The following BRD7 variants were observed in gnomAD, a reference collection of about 807,000 sequenced individuals.
The protein encoded by BRD7 is bromodomain containing 7, also known as bromodomain-containing protein 7.
Under a neutral mutation model 82.1 loss-of-function variants are expected in BRD7, and 15 were observed. That is an observed-to-expected ratio of 0.18 (90% confidence interval 0.12 to 0.28). The LOEUF (loss-of-function observed/expected upper bound fraction) is 0.28, where lower values mean the gene tolerates loss of function less well. Among genes scored for constraint, BRD7 ranks in the 10% least tolerant of loss-of-function variants. The pLI is 1.00. For synonymous variants in BRD7, 232 were observed against 266.9 expected (o/e 0.87, Z 1.27); for missense variants, 638 against 779.9 (o/e 0.82, Z 2.17).
At chr16:50,323,371 G>A (rs756056358) in intron 12 of BRD7, among the ~76,000 whole-genome samples, 29 of 152,276 alleles carry the variant, frequency 1.9e-4, no homozygotes, top group Non-Finnish European at 2.8e-4. Flanking sequence ...CCAAGATGAG[G>A]AGATAAGGAT....
intron 16 of BRD7, among the ~76,000 whole-genome samples, chr16:50,319,640 A>G (rs2036987615): frequency 6.6e-6 from 1 of 152,212 alleles, no homozygotes; most frequent in African/African-American, 2.4e-5. Context: ...AAAAAAATAT[A>G]AAAAATACAG....
At chr16:50,355,112 T>C (rs2151196582) in intron 2 of BRD7, among the ~76,000 whole-genome samples, 190 bp from the exon 3 acceptor site, 1 of 151,578 alleles carries the variant, frequency 6.6e-6, no homozygotes, top group African/African-American at 2.4e-5. Context: ...ACAAAGGGGG[T>C]CTCTATGCCA....
chr16:50,332,823 C>A (rs1378999753), intron 8 of BRD7, among the ~76,000 whole-genome samples: 1 of 152,182 alleles, frequency 6.6e-6, no homozygotes, highest in Non-Finnish European at 1.5e-5. Context: ...CAAATCATGT[C>A]CCCTGCAACG....
intron 6 of BRD7, among the ~76,000 whole-genome samples, chr16:50,337,700 G>A (rs1027802656): frequency 6.6e-6 from 1 of 152,118 alleles, no homozygotes. Context: ...CACCATTCAC[G>A]GAAGGGTGTG....
In BRD7 at chr16:50,368,775, G is replaced by A. The variant is rs759959198; in HGVS notation, c.-1C>T. 2 of 1,537,850 alleles carry A rather than the reference G, an allele frequency of 1.3e-6. No individual in the cohort carries two copies. Among genetic ancestry groups the A allele is most frequent in the South Asian group, 2.3e-5 (2 of 85,496 alleles). On this transcript the variant is annotated 5_prime_UTR_variant, in exon 1 of 17. Transcript: ENST00000394688. The stretch of plus-strand genomic sequence containing the variant: ...TGTGCTTCTTGTGCTTCTTGCCCAT[G>A]TCCGACCGGGCCCCGGTGCCCGCCC...
At position 50,341,927 on chromosome 16, in the gene BRD7, TTCACAC is replaced by T. The variant is rs1320904268; in HGVS notation, c.592-1847_592-1842del. ...AAAAGCTGAGTCTTCCTGCACACTT[TTCACAC>T]ACACACACACACACACACACACACA... On this transcript the variant is annotated intron_variant, in intron 5 of 16. Transcript: ENST00000394688. 7.3e-5 allele frequency among the ~76,000 whole-genome samples: 5 copies of T among 68,156 alleles called. No individual in the cohort carries two copies. In the Admixed American group the frequency reaches 7.4e-4, roughly 10 times the overall value. The allele number at this position is 68,156 out of a possible 152,430, so 44.7% of individuals were successfully genotyped here.
chr16:50,360,611 C>A, intron 2 of BRD7, among the ~76,000 whole-genome samples: 1 of 152,140 alleles, frequency 6.6e-6, no homozygotes, highest in East Asian at 1.9e-4. Context: ...TAGGATTTAC[C>A]AGGTCGTGAG....
chr16:50,361,040 A>G (rs944411097), intron 2 of BRD7, among the ~76,000 whole-genome samples: 1 of 152,236 alleles, frequency 6.6e-6, no homozygotes, highest in African/African-American at 2.4e-5. Context: ...GCTCCTCTCT[A>G]GTTAAAAGCT....
At position 50,326,305 on chromosome 16, in the gene BRD7, T is replaced by C. The variant is rs747783211; in HGVS notation, c.1174A>G (p.Lys392Glu). Reference protein sequence around the residue: ...VNTLQGFKEDKRNKVTPVLYL... With the variant: ...VNTLQGFKEDERNKVTPVLYL... ...TCACCTGGAGTGACTTTGTTCCTTTTATCCTCTTTGAACCCCTGCAAAGTA... is the reference window on the plus strand; with the variant it reads ...TCACCTGGAGTGACTTTGTTCCTTTCATCCTCTTTGAACCCCTGCAAAGTA... Residue 392 changes from lysine to glutamate, a missense_variant, in exon 10 of 17, where the codon AAA becomes GAA. Physicochemically the swap from Lys to Glu is moderately conservative, Grantham distance 56 (BLOSUM62 1). This residue lies in a region of BRD7 where 402 missense variants were observed against 500.8 expected (regional missense o/e 0.80). Transcript: ENST00000394688. The C allele has an allele frequency of 5.0e-6, 8 of 1,613,222 alleles. No homozygotes were observed. Among genetic ancestry groups the C allele is most frequent in the African/African-American group, 1.3e-5 (1 of 74,926 alleles).
At chr16:50,362,947 G>C (rs550602435) in intron 2 of BRD7, among the ~76,000 whole-genome samples, 7 of 152,302 alleles carry the variant, frequency 4.6e-5, no homozygotes, top group African/African-American at 1.7e-4. Context: ...CAACAAAATA[G>C]AGACAGAACA....
At chr16:50,333,995 C>A (rs1270572153) in intron 7 of BRD7, among the ~76,000 whole-genome samples, 1 of 152,138 alleles carries the variant, frequency 6.6e-6, no homozygotes, top group African/African-American at 2.4e-5. Context: ...GAAGGGAGAA[C>A]AATATACCAT....
At chr16:50,362,929 C>T (rs1003892394) in intron 2 of BRD7, among the ~76,000 whole-genome samples, 3 of 152,150 alleles carry the variant, frequency 2.0e-5, no homozygotes, top group African/African-American at 7.2e-5. Flanking sequence ...GTGTATTGTA[C>T]CACAATCCAA....
intron 2 of BRD7, among the ~76,000 whole-genome samples, chr16:50,360,034 A>G (rs1364023139): frequency 6.6e-6 from 1 of 152,212 alleles, no homozygotes; most frequent in African/African-American, 2.4e-5. Context: ...TATTTTATTA[A>G]TCTGTGTGTA....
intron 2 of BRD7, chr16:50,361,947 T>C (rs1166439811): frequency 6.6e-6 from 1 of 152,160 alleles, no homozygotes; most frequent in Non-Finnish European, 1.5e-5. Context: ...AGGCAGCACA[T>C]AAATAAAAAT....
At chr16:50,329,959 C>A (rs1480597598) in intron 8 of BRD7, among the ~76,000 whole-genome samples, 2 of 152,194 alleles carry the variant, frequency 1.3e-5, no homozygotes, top group Non-Finnish European at 2.9e-5. Context: ...GGCTGTCCCC[C>A]CTTCCTCTTG....
intron 9 of BRD7, 48 bp from the exon 10 acceptor site, chr16:50,326,439 C>A (rs1460450701): frequency 7.6e-7 from 1 of 1,322,090 alleles, no homozygotes; most frequent in African/African-American, 1.5e-5. Flanking sequence ...ATGGCCATGA[C>A]CCACGGGGCC....
intron 7 of BRD7, among the ~76,000 whole-genome samples, chr16:50,333,902 A>C (rs1321080826): frequency 6.6e-6 from 1 of 152,164 alleles, no homozygotes; most frequent in African/African-American, 2.4e-5. Flanking sequence ...TTATTTCCCT[A>C]CCTTTTTCTG....
chr16:50,354,318 T>C (rs1237635645), intron 4 of BRD7, 107 bp downstream of exon 4: 4 of 911,062 alleles, frequency 4.4e-6, no homozygotes, highest in Non-Finnish European at 6.7e-6. Context: ...ATATTTATCA[T>C]TCACTTTAAA....
intron 6 of BRD7, among the ~76,000 whole-genome samples, chr16:50,336,180 T>A (rs1228456921): frequency 2.0e-5 from 3 of 152,242 alleles, no homozygotes; most frequent in African/African-American, 7.2e-5. Context: ...GTCTACACCA[T>A]GATTTAATTA....
Sources: gnomAD v4.1 joint callset for allele counts (sites outside exome capture counted in the v4.1 genomes callset) on GRCh38, gnomAD v4.1.1 for gene constraint, gnomAD v4.1.1 regional missense constraint, MANE v1.5 for transcripts, NCBI Gene and HGNC (gene_info 2026-07-23, HGNC 2026-07-21) for gene names.